The following LNPK variants were observed in gnomAD, a reference collection of about 807,000 sequenced individuals.
LNPK encodes endoplasmic reticulum junction formation protein lunapark.
A neutral mutation model predicts 55.2 loss-of-function variants in LNPK; 29 were observed. The ratio of observed to expected loss-of-function variants is 0.53; its 90% CI spans 0.39 to 0.72. The LOEUF is 0.72. Ranked by LOEUF, LNPK falls within the 30% of genes least tolerant of loss-of-function variation. The pLI is 0.00. For synonymous variants in LNPK, 162 were observed against 168.2 expected, an observed-to-expected ratio of 0.96 and a Z score of 0.29; for missense variants, 467 against 494.8, an observed-to-expected ratio of 0.94 and a Z score of 0.53.
intron 12 of LNPK, among the ~76,000 whole-genome samples, chr2:175,933,994 C>G (rs1684417844): frequency 6.6e-6 from 1 of 152,152 alleles, no homozygotes; most frequent in Non-Finnish European, 1.5e-5. Flanking sequence ...TCCCAAAGTG[C>G]TGGGATTACA....
chr2:175,982,371 C>T (rs1687215616), intron 4 of LNPK, among the ~76,000 whole-genome samples: 1 of 152,042 alleles, frequency 6.6e-6, no homozygotes, highest in Non-Finnish European at 1.5e-5. Context: ...TTGAAATATA[C>T]TCTCTTCAAA....
chr2:175,958,125 G>C (rs1320724538), intron 8 of LNPK, among the ~76,000 whole-genome samples: 2 of 152,208 alleles, frequency 1.3e-5, no homozygotes, highest in African/African-American at 4.8e-5. Flanking sequence ...TCCACCTCTG[G>C]GGGCAGGGCA....
chr2:175,988,958 GT>G (rs1381548914), intron 4 of LNPK, among the ~76,000 whole-genome samples: 1 of 152,054 alleles, frequency 6.6e-6, no homozygotes, highest in Admixed American at 6.5e-5. Flanking sequence ...TGTATTTTTA[GT>G]AGAGATGGGG....
At chr2:175,954,329 G>A (rs1685579909) in intron 8 of LNPK, among the ~76,000 whole-genome samples, 1 of 152,078 alleles carries the variant, frequency 6.6e-6, no homozygotes, top group Admixed American at 6.6e-5. Flanking sequence ...CTTATTTAGA[G>A]TGATAAACAG....
intron 12 of LNPK, 50 bp downstream of exon 12, chr2:175,937,294 G>C (rs746245497): frequency 6.6e-7 from 1 of 1,514,696 alleles, no homozygotes; most frequent in Non-Finnish European, 9.0e-7. Context: ...TTTTATTACT[G>C]TTAAATAACA....
intron 4 of LNPK, among the ~76,000 whole-genome samples, chr2:175,989,572 AG>A (rs1286133553): frequency 6.6e-6 from 1 of 152,218 alleles, no homozygotes; most frequent in Non-Finnish European, 1.5e-5. Context: ...TTGCTGACTT[AG>A]AAAATGAACC....
At chr2:175,968,634 ATACT>A (rs1342592022) in intron 6 of LNPK, among the ~76,000 whole-genome samples, 3 of 152,188 alleles carry the variant, frequency 2.0e-5, no homozygotes, top group Admixed American at 6.5e-5. Context: ...TATAATAATA[ATACT>A]TACATTAAGC....
Position 175,928,085 on chromosome 2 carries a change from C to A in LNPK, c.*1882G>T, listed in dbSNP as rs1273914876. On this transcript the variant is annotated 3_prime_UTR_variant, in exon 13 of 13. Transcript: ENST00000272748. Reference sequence around the variant, plus strand: ...AAATTATTTTTAAAAAGTTTATATTCCACAGAGTTTCAGTTTCCTATTTCC... The same window carrying A: ...AAATTATTTTTAAAAAGTTTATATTACACAGAGTTTCAGTTTCCTATTTCC... 1 of 152,060 alleles carries A rather than the reference C, an allele frequency of 6.6e-6. No individual in the cohort carries two copies. Among genetic ancestry groups the A allele is most frequent in the African/African-American group, 2.4e-5 (1 of 41,418 alleles). The allele number at this position is 152,060 out of a possible 1,614,324, so 9.4% of individuals were successfully genotyped here. A position where few individuals can be genotyped will look rare whatever the true frequency, so the allele number is the denominator to read the frequency against.
chr2:176,002,132 C>A, intron 1 of LNPK, 28 bp downstream of exon 1: 1 of 424,894 alleles, frequency 2.4e-6, no homozygotes, highest in Non-Finnish European at 4.7e-6. Flanking sequence ...CAGAGCCCTC[C>A]CAACTGCCCT....
intron 8 of LNPK, among the ~76,000 whole-genome samples, chr2:175,959,832 A>G (rs1187203892): frequency 1.3e-5 from 2 of 152,180 alleles, no homozygotes; most frequent in African/African-American, 4.8e-5. Context: ...GTGCAGAGAC[A>G]CATATAGGCT....
At chr2:175,940,220 A>G (rs1477077795) in intron 9 of LNPK, among the ~76,000 whole-genome samples, 1 of 151,994 alleles carries the variant, frequency 6.6e-6, no homozygotes, top group Non-Finnish European at 1.5e-5. Context: ...CAGTGAAAAG[A>G]AAGTAAACCC....
chr2:175,980,695 T>C (rs2105685597), intron 4 of LNPK, among the ~76,000 whole-genome samples: 2 of 151,974 alleles, frequency 1.3e-5, no homozygotes, highest in South Asian at 4.1e-4. Context: ...TCTCCTGAGG[T>C]CAGGAGTTTG....
At chr2:175,964,965 A>T (rs773019770) in intron 6 of LNPK, among the ~76,000 whole-genome samples, 2 of 152,206 alleles carry the variant, frequency 1.3e-5, no homozygotes, top group Admixed American at 1.3e-4. Flanking sequence ...ACTTAATGCT[A>T]TTAATTTAAA....
In LNPK at chr2:175,930,208, A is replaced by G; in HGVS notation, c.1055-9T>C. The G allele has an allele frequency of 6.2e-7, 1 of 1,608,764 alleles. No homozygotes were observed. The highest frequency in any genetic ancestry group is 8.5e-7 in the Non-Finnish European group (1 of 1,177,902). Reference sequence around the variant, plus strand: ...ATCGTGTTCTAAAGATTCTGAAAAGATAAAGATTCAAAACTTTAGGAATAC... The same window carrying G: ...ATCGTGTTCTAAAGATTCTGAAAAGGTAAAGATTCAAAACTTTAGGAATAC... On this transcript the variant is annotated splice_polypyrimidine_tract_variant and intron_variant, in intron 12 of 12. Coordinates refer to ENST00000272748, the MANE Select transcript of LNPK (RefSeq NM_030650.3).
In LNPK at chr2:175,929,076, C is replaced by T. The variant is rs1340385502; in HGVS notation, c.*891G>A. The T allele has an allele frequency of 3.7e-5, 36 of 982,984 alleles. No individual in the cohort carries two copies. The highest frequency in any genetic ancestry group is 4.8e-6 in the Non-Finnish European group (4 of 827,578). The allele number at this position is 982,984 out of a possible 1,614,324, so 60.9% of individuals were successfully genotyped here. ...TTTTTCAGGTAGCCAAGTCACCCACCAAGATACTGTTTGAAGAAGACTAGA... is the reference window on the plus strand; with the variant it reads ...TTTTTCAGGTAGCCAAGTCACCCACTAAGATACTGTTTGAAGAAGACTAGA... On this transcript the variant is annotated 3_prime_UTR_variant, in exon 13 of 13. Coordinates refer to ENST00000272748, the MANE Select transcript of LNPK (RefSeq NM_030650.3).
intron 8 of LNPK, among the ~76,000 whole-genome samples, chr2:175,949,661 C>G (rs1685307647): frequency 1.3e-5 from 2 of 151,966 alleles, no homozygotes; most frequent in African/African-American, 2.4e-5. Context: ...AGGAGACTAG[C>G]TAACAAAGGA....
Position 175,925,167 on chromosome 2 carries a change from C to T in LNPK, c.*4800G>A, listed in dbSNP as rs1265007593. The T allele has an allele frequency of 6.6e-6, 1 of 152,054 alleles. No individual in the cohort carries two copies. Among genetic ancestry groups the T allele is most frequent in the African/African-American group, 2.4e-5 (1 of 41,362 alleles). The allele number at this position is 152,054 out of a possible 1,614,324, so 9.4% of individuals were successfully genotyped here. A position where few individuals can be genotyped will look rare whatever the true frequency, so the allele number is the denominator to read the frequency against. ...TCCCCTGACACACGCACATCCACAC[C>T]CAAAGCTATACCTCTTCTGATACAA... is the stretch of plus-strand genomic sequence containing the variant. On this transcript the variant is annotated 3_prime_UTR_variant, in exon 13 of 13. Transcript: ENST00000272748.
intron 12 of LNPK, among the ~76,000 whole-genome samples, chr2:175,935,145 A>C (rs1684478138): frequency 6.6e-6 from 1 of 152,210 alleles, no homozygotes; most frequent in Non-Finnish European, 1.5e-5. Flanking sequence ...TTGTTTAAAG[A>C]AAAGTTTGGA....
rs189663666 is a variant in LNPK at position 175,964,666 on chromosome 2, G to A, written c.358-77C>T. On this transcript the variant is annotated intron_variant, in intron 6 of 12. Coordinates refer to ENST00000272748, the MANE Select transcript of LNPK (RefSeq NM_030650.3). ...ATTTGTATAAGTCCTATTCAAAAAG[G>A]TTTAAATATCCTTAATATATCCAAA... 6.0e-5 allele frequency: 47 copies of A among 777,600 alleles called. No homozygotes were observed. In the African/African-American group the frequency reaches 6.9e-4, roughly 11 times the overall value. The allele number at this position is 777,600 out of a possible 1,614,324, so 48.2% of individuals were successfully genotyped here.
Sources: gnomAD v4.1 joint callset for allele counts (sites outside exome capture counted in the v4.1 genomes callset) on GRCh38, gnomAD v4.1.1 for gene constraint, MANE v1.5 for transcripts, NCBI Gene and HGNC (gene_info 2026-07-23, HGNC 2026-07-21) for gene names.